The following AMPH variants were observed in gnomAD, a reference collection of about 807,000 sequenced individuals.
AMPH encodes amphiphysin, also known as amphiphysin (Stiff-Mann syndrome with breast cancer 128kD autoantigen).
In AMPH, 49 loss-of-function variants were observed where a neutral mutation model predicts 99.1. That is an observed-to-expected ratio of 0.49 (90% confidence interval 0.39 to 0.63). The LOEUF (loss-of-function observed/expected upper bound fraction) is 0.63, where lower values mean the gene tolerates loss of function less well. Ranked by LOEUF, AMPH falls within the 20% of genes least tolerant of loss-of-function variation. The probability of loss-of-function intolerance (pLI) is 0.00; values close to 1 mark genes in which losing one functional copy is unlikely to be tolerated. For missense variants in AMPH, 759 were observed against 863.4 expected (o/e 0.88, Z 1.52); for synonymous variants, 314 against 317.3 (o/e 0.99, Z 0.11).
chr7:38,473,794 A>T (rs67521118), intron 7 of AMPH, among the ~76,000 whole-genome samples: 79,655 of 145,284 alleles, frequency 0.55, 22,083 homozygotes, highest in African/African-American at 0.61. Flanking sequence ...TGTATTTTTT[A>T]AAAAAAAGCC....
chr7:38,621,080 G>A (rs1584315496), intron 1 of AMPH, among the ~76,000 whole-genome samples: 1 of 152,176 alleles, frequency 6.6e-6, no homozygotes, highest in Admixed American at 6.5e-5. Context: ...TAAGGACAAA[G>A]TGTCAGAGGT....
chr7:38,471,864 A>G (rs1787899900), intron 7 of AMPH, among the ~76,000 whole-genome samples: 2 of 152,314 alleles, frequency 1.3e-5, no homozygotes, highest in Admixed American at 1.3e-4. Context: ...AAAATAGTCA[A>G]AATTATTAGA....
At chr7:38,587,494 G>C (rs1000194759) in intron 1 of AMPH, among the ~76,000 whole-genome samples, 7 of 152,298 alleles carry the variant, frequency 4.6e-5, no homozygotes, top group Middle Eastern at 3.4e-3. Context: ...ACCTGAAAGG[G>C]TATTTGGGGA....
intron 17 of AMPH, among the ~76,000 whole-genome samples, chr7:38,402,530 C>T (rs1784869038): frequency 6.6e-6 from 1 of 152,162 alleles, no homozygotes; most frequent in African/African-American, 2.4e-5. Context: ...TCTTAGATAT[C>T]CTTTTCAGAA....
intron 11 of AMPH, among the ~76,000 whole-genome samples, chr7:38,437,930 T>C (rs1309305688): frequency 1.3e-5 from 2 of 152,232 alleles, no homozygotes; most frequent in Admixed American, 1.3e-4. Context: ...CCTTGCATTT[T>C]CTATTCTGCA....
intron 11 of AMPH, among the ~76,000 whole-genome samples, chr7:38,445,365 A>G (rs1208861356): frequency 6.6e-6 from 1 of 152,178 alleles, no homozygotes; most frequent in African/African-American, 2.4e-5. Context: ...GGGTTAGGCA[A>G]AGACCTTTTA....
intron 11 of AMPH, among the ~76,000 whole-genome samples, chr7:38,442,859 T>A (rs552475568): frequency 1.3e-5 from 2 of 149,100 alleles, no homozygotes; most frequent in South Asian, 2.1e-4. Context: ...AGAGTGGAAA[T>A]CAGTGAAACA....
chr7:38,492,441 T>A (rs1788755910), intron 4 of AMPH, among the ~76,000 whole-genome samples: 1 of 152,212 alleles, frequency 6.6e-6, no homozygotes, highest in Non-Finnish European at 1.5e-5. Context: ...GACCTTTAAA[T>A]TCCTCTATGT....
intron 1 of AMPH, among the ~76,000 whole-genome samples, chr7:38,539,340 C>A (rs1790725805): frequency 6.6e-6 from 1 of 152,104 alleles, no homozygotes; most frequent in Admixed American, 6.5e-5. Context: ...ATCAGAAGAG[C>A]AAGTAGGTAC....
chr7:38,414,006 G>C (rs1264426475), intron 17 of AMPH, among the ~76,000 whole-genome samples: 1 of 152,196 alleles, frequency 6.6e-6, no homozygotes, highest in Admixed American at 6.5e-5. Flanking sequence ...GTGGAAACTA[G>C]GAGGCAGGAG....
intron 17 of AMPH, among the ~76,000 whole-genome samples, chr7:38,403,331 C>G (rs539404150): frequency 6.6e-6 from 1 of 152,186 alleles, no homozygotes; most frequent in East Asian, 1.9e-4. Flanking sequence ...AAACTGCTGA[C>G]CACTAAATTG....
At chr7:38,453,226 T>A (rs1194682374) in intron 11 of AMPH, among the ~76,000 whole-genome samples, 1 of 152,144 alleles carries the variant, frequency 6.6e-6, no homozygotes, top group African/African-American at 2.4e-5. Context: ...ATGTCTCTGG[T>A]GCTTAGTTCT....
chr7:38,540,822 G>A (rs1444272938), intron 1 of AMPH, among the ~76,000 whole-genome samples: 1 of 146,348 alleles, frequency 6.8e-6, no homozygotes, highest in South Asian at 2.2e-4. Context: ...ACTGAGACAA[G>A]AATGATGGCA....
intron 5 of AMPH, among the ~76,000 whole-genome samples, chr7:38,485,824 C>G (rs1329093521): frequency 6.6e-6 from 1 of 151,762 alleles, no homozygotes; most frequent in East Asian, 1.9e-4. Flanking sequence ...AGAAAGAAAA[C>G]TGAAAAACTC....
At chr7:38,453,881 A>G (rs1234636699) in intron 11 of AMPH, among the ~76,000 whole-genome samples, 3 of 152,242 alleles carry the variant, frequency 2.0e-5, no homozygotes, top group African/African-American at 7.2e-5. Flanking sequence ...AAATTCATGT[A>G]GCGAACAAAG....
intron 19 of AMPH, among the ~76,000 whole-genome samples, chr7:38,391,026 C>T (rs895914079): frequency 7.2e-6 from 1 of 138,102 alleles, no homozygotes; most frequent in Non-Finnish European, 1.6e-5. Flanking sequence ...AATGATACAA[C>T]ATTTTACACT....
At chr7:38,448,937 T>A (rs184373437) in intron 11 of AMPH, among the ~76,000 whole-genome samples, 44 of 152,322 alleles carry the variant, frequency 2.9e-4, no homozygotes, top group Middle Eastern at 3.4e-3. Flanking sequence ...TCATTCCTAG[T>A]GTAGCACGTG....
intron 5 of AMPH, among the ~76,000 whole-genome samples, chr7:38,487,190 T>C (rs1380285189): frequency 1.3e-5 from 2 of 152,108 alleles, no homozygotes; most frequent in Non-Finnish European, 2.9e-5. Flanking sequence ...CCAGAACTAC[T>C]AAACAAATAA....
chr7:38,540,152 A>C (rs1045258965), intron 1 of AMPH, among the ~76,000 whole-genome samples: 2 of 152,214 alleles, frequency 1.3e-5, no homozygotes, highest in Admixed American at 1.3e-4. Context: ...CTACAGGCAA[A>C]AGGAAGAAAG....
Sources: allele counts gnomAD v4.1 joint callset (sites outside exome capture counted in the v4.1 genomes callset), GRCh38; gene constraint gnomAD v4.1.1; transcripts MANE v1.5; gene names NCBI Gene and HGNC (gene_info 2026-07-23, HGNC 2026-07-21).